The following JAZF1 variants were observed in gnomAD, a reference collection of about 807,000 sequenced individuals.
JAZF1 encodes JAZF zinc finger 1, also known as juxtaposed with another zinc finger protein 1.
In JAZF1, 8 loss-of-function variants were observed where a neutral mutation model predicts 26.4. The ratio of observed to expected loss-of-function variants is 0.30; its 90% CI spans 0.18 to 0.55. JAZF1 has a LOEUF of 0.55. JAZF1 is among the 20% of genes least tolerant of loss of function. JAZF1 has a pLI of 0.94. For synonymous variants in JAZF1, 126 were observed against 122.3 expected, an observed-to-expected ratio of 1.03 and a Z score of -0.20; for missense variants, 199 against 322.0, an observed-to-expected ratio of 0.62 and a Z score of 2.92.
At chr7:28,128,510 C>T (rs1490884864) in intron 1 of JAZF1, among the ~76,000 whole-genome samples, 1 of 151,838 alleles carries the variant, frequency 6.6e-6, no homozygotes, top group Non-Finnish European at 1.5e-5. Context: ...CAACAGAGTC[C>T]GTCTAAAAAA....
At chr7:28,118,761 T>TACACACACACACAC (rs10612400) in intron 1 of JAZF1, among the ~76,000 whole-genome samples, 1 of 148,686 alleles carries the variant, frequency 6.7e-6, no homozygotes, top group African/African-American at 2.5e-5. Context: ...AAGAGAGTTT[T>TACACACACACACAC]ACACACACAC....
At chr7:27,863,611 G>A (rs1174505281) in intron 3 of JAZF1, among the ~76,000 whole-genome samples, 1 of 152,184 alleles carries the variant, frequency 6.6e-6, no homozygotes. Context: ...TGGAATGCAA[G>A]CTCTGCAAAA....
At chr7:27,885,662 G>A (rs1389851180) in intron 3 of JAZF1, among the ~76,000 whole-genome samples, 5 of 152,148 alleles carry the variant, frequency 3.3e-5, no homozygotes, top group East Asian at 3.9e-4. Context: ...TAGTGTTGCC[G>A]AAGTCCAACT....
At chr7:27,839,005 G>A (rs532042951) in intron 4 of JAZF1, among the ~76,000 whole-genome samples, 13 of 152,208 alleles carry the variant, frequency 8.5e-5, no homozygotes, top group East Asian at 3.9e-4. Flanking sequence ...CACAGAGAAC[G>A]GAAGGGGGAA....
chr7:28,008,913 T>G (rs922136668), intron 1 of JAZF1, among the ~76,000 whole-genome samples: 1 of 152,190 alleles, frequency 6.6e-6, no homozygotes, highest in African/African-American at 2.4e-5. Flanking sequence ...AGGAAAGCCT[T>G]TCAATTTATA....
intron 3 of JAZF1, among the ~76,000 whole-genome samples, chr7:27,850,602 A>G (rs1256970121): frequency 6.6e-6 from 1 of 152,222 alleles, no homozygotes; most frequent in African/African-American, 2.4e-5. Context: ...TGAACGAATG[A>G]GTGAATCGAG....
At chr7:28,005,758 G>A (rs1583504721) in intron 1 of JAZF1, among the ~76,000 whole-genome samples, 1 of 152,124 alleles carries the variant, frequency 6.6e-6, no homozygotes, top group East Asian at 1.9e-4. Context: ...CGCTGATGGT[G>A]TGAATTTGGG....
At chr7:27,901,127 T>TAACA (rs1397796869) in intron 2 of JAZF1, among the ~76,000 whole-genome samples, 1 of 152,240 alleles carries the variant, frequency 6.6e-6, no homozygotes, top group Admixed American at 6.5e-5. Flanking sequence ...CACTGTTGAC[T>TAACA]AACAGCCTGA....
intron 1 of JAZF1, among the ~76,000 whole-genome samples, chr7:28,139,006 TG>T (rs34844509): frequency 0.42 from 63,532 of 152,076 alleles, 14,302 homozygotes; most frequent in Non-Finnish European, 0.5. Flanking sequence ...AGACCTGAAG[TG>T]GAGGGGCTGA....
chr7:27,894,492 T>C (rs1330315744), intron 3 of JAZF1, among the ~76,000 whole-genome samples: 2 of 152,214 alleles, frequency 1.3e-5, no homozygotes, highest in East Asian at 1.9e-4. Context: ...ATGAAGATGG[T>C]ACCCTTAAAA....
At chr7:27,940,803 C>A (rs1353056617) in intron 2 of JAZF1, among the ~76,000 whole-genome samples, 1 of 152,202 alleles carries the variant, frequency 6.6e-6, no homozygotes, top group Non-Finnish European at 1.5e-5. Flanking sequence ...TGTATCTGAA[C>A]TTTTACACTG....
chr7:27,837,072 CTG>C lies in JAZF1; in HGVS notation c.555+3624_555+3625del, dbSNP rs534414740. Among the ~76,000 whole-genome samples, 41 of 152,294 alleles carry C rather than the reference CTG, an allele frequency of 2.7e-4. No individual in the cohort carries two copies. The East Asian group carries it at 5.4e-3, about 20-fold the overall frequency. On this transcript the variant is annotated intron_variant, in intron 4 of 4. Coordinates refer to ENST00000283928, the MANE Select transcript of JAZF1 (RefSeq NM_175061.4). ...TGGGACACTGTATCTGGATCTGTCTCTGTTGCTGAAACAATCAATGTACCTCT... is the reference window on the plus strand; with the variant it reads ...TGGGACACTGTATCTGGATCTGTCTCTTGCTGAAACAATCAATGTACCTCT...
intron 2 of JAZF1, among the ~76,000 whole-genome samples, chr7:27,916,741 G>T (rs1448513137): frequency 6.6e-6 from 1 of 152,182 alleles, no homozygotes; most frequent in Non-Finnish European, 1.5e-5. Context: ...AAAAGGACAT[G>T]CATATAATAT....
chr7:28,126,905 C>T (rs1782705065), intron 1 of JAZF1, among the ~76,000 whole-genome samples: 2 of 152,134 alleles, frequency 1.3e-5, no homozygotes, highest in Non-Finnish European at 2.9e-5. Context: ...CCAACCCTAC[C>T]CCACCCCCAG....
chr7:27,911,987 A>G lies in JAZF1; in HGVS notation c.189-16571T>C, dbSNP rs1784366191. Reference sequence around the variant, plus strand: ...CTGAAATGAAAAAGTACATTTATTTATTTGAGTGTTTTATGCAAAGACGTC... The same window carrying G: ...CTGAAATGAAAAAGTACATTTATTTGTTTGAGTGTTTTATGCAAAGACGTC... On this transcript the variant is annotated intron_variant, in intron 2 of 4. Coordinates refer to ENST00000283928, the MANE Select transcript of JAZF1 (RefSeq NM_175061.4). Among the ~76,000 whole-genome samples, 3 of 152,202 alleles carry G rather than the reference A, an allele frequency of 2.0e-5. No individual in the cohort carries two copies. The South Asian group carries it at 6.2e-4, about 32-fold the overall frequency.
chr7:28,098,694 A>G (rs1429888735), intron 1 of JAZF1, among the ~76,000 whole-genome samples: 1 of 152,248 alleles, frequency 6.6e-6, no homozygotes, highest in African/African-American at 2.4e-5. Context: ...TAGACTCACA[A>G]CTAAGCATTT....
chr7:28,124,508 C>T (rs1782666448), intron 1 of JAZF1, among the ~76,000 whole-genome samples: 1 of 152,192 alleles, frequency 6.6e-6, no homozygotes, highest in Non-Finnish European at 1.5e-5. Flanking sequence ...GCCGTCCTTT[C>T]ATCTTCATTT....
intron 2 of JAZF1, among the ~76,000 whole-genome samples, chr7:27,896,399 G>A (rs551672098): frequency 2.0e-5 from 3 of 152,240 alleles, no homozygotes; most frequent in South Asian, 2.1e-4. Flanking sequence ...GCCATAGAAA[G>A]CATAGTCCAT....
At chr7:27,871,587 A>C (rs1293878112) in intron 3 of JAZF1, among the ~76,000 whole-genome samples, 1 of 152,244 alleles carries the variant, frequency 6.6e-6, no homozygotes. Flanking sequence ...TAGTGTCATC[A>C]ATGTCCAAGA....
Sources: allele counts gnomAD v4.1 joint callset (sites outside exome capture counted in the v4.1 genomes callset), GRCh38; gene constraint gnomAD v4.1.1; transcripts MANE v1.5; gene names NCBI Gene and HGNC (gene_info 2026-07-23, HGNC 2026-07-21).